UBTD2: variants seen among roughly 807,000 people sequenced by gnomAD.
The protein encoded by UBTD2 is ubiquitin domain containing 2.
In UBTD2, 9 loss-of-function variants were observed where a neutral mutation model predicts 19.8. That is an observed-to-expected ratio of 0.46 (90% CI 0.27 to 0.79). The LOEUF is 0.79. Ranked by LOEUF, UBTD2 falls within the 30% of genes least tolerant of loss-of-function variation. UBTD2 has a pLI of 0.14. For missense variants in UBTD2, 250 were observed against 300.4 expected (o/e 0.83, Z 1.24); for synonymous variants, 98 against 103.9 (o/e 0.94, Z 0.35).
chr5:172,211,902 C>A lies in UBTD2; in HGVS notation c.633G>T (p.Lys211Asn). ...LTDKMKFEEL[K>N]IPKDYVVQVI... is the part of the protein sequence containing the mutation. ...CCTGTACAACATAGTCCTTTGGGAT[C>A]TTCAGCTCTTCGAACTTCATTTTGT... Residue 211 changes from lysine to asparagine, a missense_variant, in exon 3 of 3, where the codon AAG becomes AAT. Lys to Asn is a moderately conservative substitution (Grantham distance 94, BLOSUM62 0). Coordinates refer to ENST00000393792, the MANE Select transcript of UBTD2 (RefSeq NM_152277.3). The A allele has an allele frequency of 1.2e-6, 2 of 1,614,202 alleles. No homozygotes were observed. Among genetic ancestry groups the A allele is most frequent in the African/African-American group, 1.3e-5 (1 of 75,042 alleles).
intron 2 of UBTD2, among the ~76,000 whole-genome samples, chr5:172,230,196 C>T (rs1248696754): frequency 6.6e-6 from 1 of 152,154 alleles, no homozygotes; most frequent in Admixed American, 6.6e-5. Context: ...ATGACAAGTT[C>T]CCTCTTACTC....
At chr5:172,220,640 C>A (rs563605604) in intron 2 of UBTD2, among the ~76,000 whole-genome samples, 288 of 150,316 alleles carry the variant, frequency 1.9e-3, no homozygotes, top group African/African-American at 6.5e-3. Flanking sequence ...ACAAAAAAAC[C>A]AAAAAAAAAC....
chr5:172,233,102 C>G (rs1771938271), intron 2 of UBTD2, among the ~76,000 whole-genome samples: 1 of 151,960 alleles, frequency 6.6e-6, no homozygotes, highest in African/African-American at 2.4e-5. Context: ...GGCGACAGAG[C>G]AAGACTCTGT....
At chr5:172,256,691 C>T (rs531044423) in intron 1 of UBTD2, among the ~76,000 whole-genome samples, 1 of 151,994 alleles carries the variant, frequency 6.6e-6, no homozygotes, top group Admixed American at 6.6e-5. Context: ...GAGGCCAAGG[C>T]GGGCAGATCA....
chr5:172,278,703 A>T (rs1257625876), intron 1 of UBTD2, among the ~76,000 whole-genome samples: 1 of 152,184 alleles, frequency 6.6e-6, no homozygotes, highest in Non-Finnish European at 1.5e-5. Flanking sequence ...TTGTGAATAT[A>T]ATCAATGCCA....
At chr5:172,276,543 G>T (rs564071672) in intron 1 of UBTD2, among the ~76,000 whole-genome samples, 9 of 152,282 alleles carry the variant, frequency 5.9e-5, no homozygotes, top group African/African-American at 1.9e-4. Context: ...GACTGGATGT[G>T]ACTCATGTAC....
intron 2 of UBTD2, among the ~76,000 whole-genome samples, chr5:172,233,837 C>A (rs1771955056): frequency 6.6e-6 from 1 of 151,450 alleles, no homozygotes; most frequent in Non-Finnish European, 1.5e-5. Flanking sequence ...GGGAAGAGGT[C>A]TTCATGGAGG....
At position 172,283,206 on chromosome 5, in the gene UBTD2, G is replaced by C. The variant is rs1173721180; in HGVS notation, c.70+390C>G. On this transcript the variant is annotated intron_variant, in intron 1 of 2. Coordinates refer to ENST00000393792, the MANE Select transcript of UBTD2 (RefSeq NM_152277.3). This position sits in a 1 kb window ranked among gnomAD's most constrained non-coding sequence, Gnocchi z 4.3. ...AAGATGTGGCGGGGCCCGTCGGAGG[G>C]AACGCATCAAGCTCCCTCCCCCCGC... Among the ~76,000 whole-genome samples the C allele has an allele frequency of 6.6e-6, 1 of 152,082 alleles. No individual in the cohort carries two copies. Among genetic ancestry groups the C allele is most frequent in the African/African-American group, 2.4e-5 (1 of 41,414 alleles).
intron 1 of UBTD2, among the ~76,000 whole-genome samples, chr5:172,265,281 G>A (rs188697170): frequency 2.6e-4 from 39 of 152,304 alleles, no homozygotes; most frequent in Non-Finnish European, 4.9e-4. Flanking sequence ...TAAGGAACCA[G>A]TCAGTAATAA....
intron 1 of UBTD2, among the ~76,000 whole-genome samples, chr5:172,259,125 G>A (rs907311036): frequency 2.6e-5 from 4 of 151,936 alleles, no homozygotes; most frequent in Admixed American, 1.3e-4. Flanking sequence ...TTCCTTTAAT[G>A]GCTACTTTGT....
chr5:172,242,461 T>G, intron 1 of UBTD2: 1 of 984,322 alleles, frequency 1.0e-6, no homozygotes, highest in Non-Finnish European at 1.2e-6. Context: ...GGGACAGTTT[T>G]GCCCTCCAGG....
At chr5:172,231,151 A>G (rs1358449065) in intron 2 of UBTD2, among the ~76,000 whole-genome samples, 4 of 152,342 alleles carry the variant, frequency 2.6e-5, no homozygotes, top group Non-Finnish European at 5.9e-5. Flanking sequence ...CCACTAAGCC[A>G]GTCTAGGTAA....
chr5:172,244,248 T>C (rs1392135692), intron 1 of UBTD2, among the ~76,000 whole-genome samples: 1 of 151,978 alleles, frequency 6.6e-6, no homozygotes, highest in Non-Finnish European at 1.5e-5. Flanking sequence ...TGTTAAATTT[T>C]ATTTGATGAA....
In UBTD2 at chr5:172,212,233, G is replaced by C. The variant is rs1771466719; in HGVS notation, c.308-6C>G. The C allele has an allele frequency of 6.3e-7, 1 of 1,578,244 alleles. No homozygotes were observed. The highest frequency in any genetic ancestry group is 8.6e-7 in the Non-Finnish European group (1 of 1,159,896). On this transcript the variant is annotated splice_region_variant and splice_polypyrimidine_tract_variant and intron_variant, in intron 2 of 2. Coordinates refer to ENST00000393792, the MANE Select transcript of UBTD2 (RefSeq NM_152277.3). The stretch of plus-strand genomic sequence containing the variant: ...GTAGCACTCTGTAAGTGCACCTTCA[G>C]AAAGAGAAGATATGAATAAGAACTT...
At chr5:172,274,978 G>A (rs577630309) in intron 1 of UBTD2, among the ~76,000 whole-genome samples, 6 of 152,300 alleles carry the variant, frequency 3.9e-5, no homozygotes, top group Admixed American at 3.3e-4. Context: ...GGAGTTTGCC[G>A]TGAGCCAAGA....
chr5:172,217,092 C>G (rs1383534237), intron 2 of UBTD2, among the ~76,000 whole-genome samples: 2 of 152,040 alleles, frequency 1.3e-5, no homozygotes, highest in African/African-American at 4.8e-5. Context: ...ACCTATAATT[C>G]TGTATGCTGT....
intron 1 of UBTD2, among the ~76,000 whole-genome samples, chr5:172,270,179 A>G (rs2113120170): frequency 6.6e-6 from 1 of 151,644 alleles, no homozygotes; most frequent in East Asian, 2.0e-4. Context: ...TCATGGGCTC[A>G]AACAGATCCT....
At position 172,211,863 on chromosome 5, in the gene UBTD2, T is replaced by C. The variant is rs1771454343; in HGVS notation, c.672A>G (p.Gln224=). 1 of 1,613,856 alleles carries C rather than the reference T, an allele frequency of 6.2e-7. No individual in the cohort carries two copies. The part of the protein sequence containing the change: ...KDYVVQVIVS[Q]PVQNPTPVEN ...CCACTGGTGTTGGGTTCTGCACAGG[T>C]TGGCTCACTATAACCTGTACAACAT... is the stretch of plus-strand genomic sequence containing the variant. Residue 224 remains glutamine (Q), a synonymous_variant, in exon 3 of 3, where the codon CAA becomes CAG. Transcript: ENST00000393792.
At chr5:172,264,131 T>C (rs953306964) in intron 1 of UBTD2, among the ~76,000 whole-genome samples, 3 of 152,162 alleles carry the variant, frequency 2.0e-5, no homozygotes, top group African/African-American at 4.8e-5. Context: ...CAGGCTGAAA[T>C]GCAGTGGCTC....
Sources: gnomAD v4.1 joint callset for allele counts (sites outside exome capture counted in the v4.1 genomes callset) on GRCh38, gnomAD v4.1.1 for gene constraint, Gnocchi (gnomAD v3.1) non-coding constraint, MANE v1.5 for transcripts, NCBI Gene and HGNC (gene_info 2026-07-23, HGNC 2026-07-21) for gene names.